Variants in TBC1D5 observed in about 807,000 individuals in gnomAD.
The protein encoded by TBC1D5 is TBC1 domain family, member 5.
TBC1D5 carries 75 observed loss-of-function variants against 100.3 expected under a neutral mutation model. The observed-to-expected ratio is 0.75, with a 90% CI of 0.62 to 0.91. TBC1D5 has a LOEUF of 0.91. Among genes scored for constraint, TBC1D5 ranks in the 40% least tolerant of loss-of-function variants. The probability of loss-of-function intolerance (pLI) is 0.00; values close to 1 mark genes in which losing one functional copy is unlikely to be tolerated. For missense variants in TBC1D5, 910 were observed against 942.4 expected (o/e 0.97, Z 0.45); for synonymous variants, 323 against 325.6 (o/e 0.99, Z 0.09).
intron 14 of TBC1D5, among the ~76,000 whole-genome samples, chr3:17,305,169 G>A (rs1380340031): frequency 6.6e-6 from 1 of 152,078 alleles, no homozygotes; most frequent in Non-Finnish European, 1.5e-5. Flanking sequence ...TTCTCGCCTT[G>A]TGTTACTATT....
intron 15 of TBC1D5, among the ~76,000 whole-genome samples, chr3:17,285,746 T>A (rs1241871108): frequency 6.6e-6 from 1 of 152,190 alleles, no homozygotes; most frequent in Admixed American, 6.5e-5. Context: ...TATAGTGAGA[T>A]TTCTTGGAAT....
chr3:17,445,267 C>T (rs908289787), intron 3 of TBC1D5, among the ~76,000 whole-genome samples: 4 of 151,988 alleles, frequency 2.6e-5, no homozygotes, highest in African/African-American at 9.7e-5. Flanking sequence ...CAATAATGGC[C>T]TCTTTTCATA....
chr3:17,364,786 C>A (rs562849006), intron 13 of TBC1D5, among the ~76,000 whole-genome samples: 23 of 152,156 alleles, frequency 1.5e-4, no homozygotes, highest in South Asian at 1.2e-3. Flanking sequence ...CTTCTCATTG[C>A]TGCTTCTTAT....
chr3:17,382,137 AAAC>A (rs2152206823), intron 9 of TBC1D5, among the ~76,000 whole-genome samples: 1 of 152,214 alleles, frequency 6.6e-6, no homozygotes, highest in East Asian at 1.9e-4. Flanking sequence ...ATGATAATAA[AAAC>A]AACCACAACT....
intron 2 of TBC1D5, among the ~76,000 whole-genome samples, chr3:17,535,986 CTA>C (rs2096278060): frequency 1.3e-5 from 2 of 152,062 alleles, no homozygotes; most frequent in South Asian, 4.1e-4. Context: ...TAAACTAAAA[CTA>C]TGTCAAAGAT....
chr3:17,439,547 A>AT (rs567150464), intron 3 of TBC1D5, among the ~76,000 whole-genome samples: 27 of 152,128 alleles, frequency 1.8e-4, no homozygotes, highest in Non-Finnish European at 2.5e-4. Context: ...TCAAATATCA[A>AT]TTTTTTTTAA....
At chr3:17,621,730 C>T (rs541716929) in intron 2 of TBC1D5, among the ~76,000 whole-genome samples, 1 of 151,606 alleles carries the variant, frequency 6.6e-6, no homozygotes, top group Non-Finnish European at 1.5e-5. Flanking sequence ...TTAAACAAAT[C>T]CACAAGGAAA....
chr3:17,438,849 T>A (rs927516841), intron 3 of TBC1D5, among the ~76,000 whole-genome samples: 1 of 151,996 alleles, frequency 6.6e-6, no homozygotes, highest in Non-Finnish European at 1.5e-5. Context: ...AAACAAAAAA[T>A]CATTGTATTT....
At chr3:17,660,047 A>C (rs2066490170) in intron 1 of TBC1D5, among the ~76,000 whole-genome samples, 1 of 152,180 alleles carries the variant, frequency 6.6e-6, no homozygotes, top group Non-Finnish European at 1.5e-5. Context: ...TTTATTTAAT[A>C]ATGCAATCTC....
intron 2 of TBC1D5, among the ~76,000 whole-genome samples, chr3:17,585,999 C>T (rs988849197): frequency 4.6e-5 from 7 of 151,966 alleles, no homozygotes; most frequent in African/African-American, 1.7e-4. Context: ...AATAAAAGGC[C>T]TATGGATACA....
intron 13 of TBC1D5, among the ~76,000 whole-genome samples, chr3:17,309,992 A>G (rs2083830348): frequency 6.6e-6 from 1 of 152,132 alleles, no homozygotes; most frequent in Non-Finnish European, 1.5e-5. Flanking sequence ...TAGGAATACA[A>G]TCTTCCCCCT....
intron 1 of TBC1D5, among the ~76,000 whole-genome samples, chr3:17,694,045 T>C (rs2071604670): frequency 6.7e-6 from 1 of 150,092 alleles, no homozygotes; most frequent in Admixed American, 6.6e-5. Context: ...AGGAATAGCA[T>C]CAACACCAAC....
At chr3:17,703,173 C>A (rs1014418030) in intron 1 of TBC1D5, among the ~76,000 whole-genome samples, 35 of 151,942 alleles carry the variant, frequency 2.3e-4, no homozygotes, top group African/African-American at 8.5e-4. Context: ...AACTATCAAA[C>A]CATTCTGATA....
At chr3:17,372,451 T>C (rs1272325725) in intron 12 of TBC1D5, among the ~76,000 whole-genome samples, 1 of 152,192 alleles carries the variant, frequency 6.6e-6, no homozygotes, top group African/African-American at 2.4e-5. Flanking sequence ...AGGAATATAT[T>C]ATTCATTCAT....
intron 1 of TBC1D5, among the ~76,000 whole-genome samples, chr3:17,735,276 C>G (rs2076873666): frequency 6.6e-6 from 1 of 152,104 alleles, no homozygotes; most frequent in Non-Finnish European, 1.5e-5. Flanking sequence ...GAATGGAGGA[C>G]TACTTATGGT....
intron 15 of TBC1D5, 94 bp downstream of exon 15, chr3:17,291,800 AG>A: frequency 8.7e-7 from 1 of 1,148,036 alleles, no homozygotes; most frequent in Non-Finnish European, 1.2e-6. Context: ...ATCTACCATT[AG>A]GCAAATTCCA....
rs142839618 is a variant in TBC1D5 at position 17,305,487 on chromosome 3, T to C, written c.1138+2505A>G. The stretch of plus-strand genomic sequence containing the variant: ...CTTTGATATATAGTCACCCTATTCT[T>C]TGCAGGTGGCATCTGTGGTGATGGT... On this transcript the variant is annotated intron_variant, in intron 14 of 21. Coordinates refer to ENST00000253692, the Ensembl canonical transcript of TBC1D5. Among the ~76,000 whole-genome samples the C allele has an allele frequency of 3.3e-5, 5 of 152,322 alleles. No individual in the cohort carries two copies. The East Asian group carries it at 9.6e-4, about 29-fold the overall frequency.
intron 3 of TBC1D5, among the ~76,000 whole-genome samples, chr3:17,503,016 G>A (rs2095803431): frequency 6.7e-6 from 1 of 149,440 alleles, no homozygotes; most frequent in Non-Finnish European, 1.5e-5. Context: ...TCAGCTTCTA[G>A]TTTTTCCCCC....
chr3:17,429,648 T>C (rs1385293249), intron 3 of TBC1D5, among the ~76,000 whole-genome samples: 1 of 151,946 alleles, frequency 6.6e-6, no homozygotes, highest in Non-Finnish European at 1.5e-5. Flanking sequence ...GATGAGATTA[T>C]TTTTAATTAT....
Sources: gnomAD v4.1 joint callset for allele counts (sites outside exome capture counted in the v4.1 genomes callset) on GRCh38, gnomAD v4.1.1 for gene constraint, MANE v1.5 for transcripts, NCBI Gene and HGNC (gene_info 2026-07-23, HGNC 2026-07-21) for gene names.